The following ATRNL1 variants were observed in gnomAD, a reference collection of about 807,000 sequenced individuals.
The protein encoded by ATRNL1 is attractin like 1.
A neutral mutation model predicts 182.7 loss-of-function variants in ATRNL1; 95 were observed. The observed-to-expected ratio is 0.52, with a 90% CI of 0.44 to 0.62. The LOEUF is 0.62. Among genes scored for constraint, ATRNL1 ranks in the 20% least tolerant of loss-of-function variants. ATRNL1 has a pLI of 0.00. For synonymous variants in ATRNL1, 576 were observed against 568.3 expected (o/e 1.01, Z -0.19); for missense variants, 1,471 against 1,679.5 (o/e 0.88, Z 2.17).
chr10:115,728,329 C>T (rs1555061299), intron 27 of ATRNL1, among the ~76,000 whole-genome samples: 1 of 137,564 alleles, frequency 7.3e-6, no homozygotes, highest in Non-Finnish European at 1.6e-5. Context: ...AAAAAGGATG[C>T]AAAATTCACA....
At chr10:115,528,695 T>C (rs1250141065) in intron 25 of ATRNL1, among the ~76,000 whole-genome samples, 2 of 152,110 alleles carry the variant, frequency 1.3e-5, no homozygotes, top group African/African-American at 4.8e-5. Flanking sequence ...TTGTTCTTTT[T>C]CTAGTTCAAG....
intron 19 of ATRNL1, among the ~76,000 whole-genome samples, chr10:115,382,397 ACTT>A (rs1554951434): frequency 5.9e-5 from 9 of 151,914 alleles, no homozygotes; most frequent in South Asian, 2.1e-4. Flanking sequence ...TACATCTTGT[ACTT>A]CTTTTATTAA....
chr10:115,792,844 C>G (rs2134215151), intron 27 of ATRNL1, among the ~76,000 whole-genome samples: 1 of 151,922 alleles, frequency 6.6e-6, no homozygotes, highest in African/African-American at 2.4e-5. Context: ...ATACACAGAA[C>G]TCTACTTCTA....
chr10:115,323,328 T>A (rs1854682860), intron 18 of ATRNL1, among the ~76,000 whole-genome samples: 1 of 152,104 alleles, frequency 6.6e-6, no homozygotes, highest in South Asian at 2.1e-4. Context: ...TTCTTAAAAA[T>A]TTTTATTTCT....
chr10:115,281,504 T>C lies in ATRNL1; in HGVS notation c.2233+17T>C. On this transcript the variant is annotated intron_variant, in intron 14 of 28. Transcript: ENST00000355044. ...CTTTACCAGGTAAAGATTTCAAAAT[T>C]TAGTAAATGAGTTTATGGTCTACAG... 6.2e-7 allele frequency: 1 copy of C among 1,611,056 alleles called. No homozygotes were observed. The highest frequency in any genetic ancestry group is 8.5e-7 in the Non-Finnish European group (1 of 1,178,488).
intron 19 of ATRNL1, among the ~76,000 whole-genome samples, chr10:115,382,129 C>T (rs1054571932): frequency 1.3e-4 from 20 of 152,218 alleles, no homozygotes; most frequent in African/African-American, 4.6e-4. Context: ...ATTGGGATGG[C>T]TGAGTCTCCA....
intron 18 of ATRNL1, among the ~76,000 whole-genome samples, chr10:115,315,977 TTTC>T (rs1238360172): frequency 6.6e-6 from 1 of 152,186 alleles, no homozygotes; most frequent in Non-Finnish European, 1.5e-5. Context: ...TTAGCTTTCA[TTTC>T]TTTTTTAATA....
intron 27 of ATRNL1, among the ~76,000 whole-genome samples, chr10:115,775,819 A>T (rs1371189646): frequency 1.3e-5 from 2 of 151,962 alleles, no homozygotes; most frequent in Non-Finnish European, 2.9e-5. Flanking sequence ...TTAGCCGGGC[A>T]TGGTGGCATG....
intron 20 of ATRNL1, among the ~76,000 whole-genome samples, chr10:115,422,447 A>G (rs926627414): frequency 1.2e-4 from 19 of 152,222 alleles, no homozygotes; most frequent in African/African-American, 4.1e-4. Context: ...AATGCTCAAC[A>G]TCACTAACCA....
intron 25 of ATRNL1, among the ~76,000 whole-genome samples, chr10:115,534,868 C>G (rs569249063): frequency 2.6e-5 from 4 of 152,100 alleles, no homozygotes; most frequent in Admixed American, 2.6e-4. Context: ...ACTTATGAAG[C>G]TTAGTTTGGC....
chr10:115,337,663 T>C (rs1322502079), intron 19 of ATRNL1, among the ~76,000 whole-genome samples: 6 of 152,224 alleles, frequency 3.9e-5, no homozygotes, highest in African/African-American at 1.4e-4. Context: ...TTTCTGTGCC[T>C]GTCTTATTTC....
intron 1 of ATRNL1, among the ~76,000 whole-genome samples, chr10:115,102,362 CAT>C (rs1327954561): frequency 3.9e-5 from 6 of 152,036 alleles, no homozygotes; most frequent in African/African-American, 1.4e-4. Flanking sequence ...TCCATTGATC[CAT>C]ATCTCTATCC....
chr10:115,297,818 T>C (rs1016226183), intron 15 of ATRNL1, among the ~76,000 whole-genome samples: 3 of 152,166 alleles, frequency 2.0e-5, no homozygotes, highest in Non-Finnish European at 4.4e-5. Context: ...TTAAGACATA[T>C]TATTTTTAGT....
chr10:115,425,833 A>C (rs1405779484), intron 20 of ATRNL1, among the ~76,000 whole-genome samples: 1 of 152,110 alleles, frequency 6.6e-6, no homozygotes, highest in African/African-American at 2.4e-5. Context: ...ATTTCAAACA[A>C]TACCACAAGT....
At chr10:115,801,371 AAG>A (rs1440623684) in intron 27 of ATRNL1, among the ~76,000 whole-genome samples, 1 of 152,218 alleles carries the variant, frequency 6.6e-6, no homozygotes, top group African/African-American at 2.4e-5. Flanking sequence ...TAAGGAGAGA[AAG>A]AGAGTAAAGA....
chr10:115,456,334 G>T (rs1847522035), intron 21 of ATRNL1, among the ~76,000 whole-genome samples: 1 of 152,144 alleles, frequency 6.6e-6, no homozygotes, highest in African/African-American at 2.4e-5. Context: ...GCCCTTTGCA[G>T]GTACATGGAT....
intron 19 of ATRNL1, among the ~76,000 whole-genome samples, chr10:115,380,459 T>C (rs1344700961): frequency 1.3e-5 from 2 of 152,148 alleles, no homozygotes; most frequent in Non-Finnish European, 2.9e-5. Context: ...TAATCTACCT[T>C]TAAAATGTTT....
At chr10:115,326,177 A>G (rs1426203808) in intron 18 of ATRNL1, among the ~76,000 whole-genome samples, 1 of 152,210 alleles carries the variant, frequency 6.6e-6, no homozygotes, top group Non-Finnish European at 1.5e-5. Flanking sequence ...TTGTATATCG[A>G]GAAAACCCTA....
intron 6 of ATRNL1, among the ~76,000 whole-genome samples, chr10:115,163,080 G>A (rs1229608076): frequency 6.6e-6 from 1 of 151,674 alleles, no homozygotes; most frequent in South Asian, 2.1e-4. Context: ...GGACAGTGTG[G>A]TCAAGGGGTT....
Sources: allele counts gnomAD v4.1 joint callset (sites outside exome capture counted in the v4.1 genomes callset), GRCh38; gene constraint gnomAD v4.1.1; transcripts MANE v1.5; gene names NCBI Gene and HGNC (gene_info 2026-07-23, HGNC 2026-07-21).